The following SSBP2 variants were observed in gnomAD, a reference collection of about 807,000 sequenced individuals.
SSBP2 encodes the protein single-stranded DNA-binding protein 2.
SSBP2 carries 17 observed loss-of-function variants against 61.8 expected under a neutral mutation model. The ratio of observed to expected loss-of-function variants is 0.28; its 90% CI spans 0.19 to 0.41. SSBP2 has a LOEUF of 0.41. Ranked by LOEUF, SSBP2 falls within the 10% of genes least tolerant of loss-of-function variation. SSBP2 has a pLI of 1.00. For synonymous variants in SSBP2, 139 were observed against 141.3 expected, an observed-to-expected ratio of 0.98 and a Z score of 0.12; for missense variants, 310 against 458.7, an observed-to-expected ratio of 0.68 and a Z score of 2.96.
chr5:81,524,553 G>A lies in SSBP2; in HGVS notation c.283-10836C>T, dbSNP rs919747475. On this transcript the variant is annotated intron_variant, in intron 4 of 16. Coordinates refer to ENST00000320672, the MANE Select transcript of SSBP2 (RefSeq NM_012446.5). ...TTCATTTTGGATAATAGTTTTTCATGAGGTATCTAGAAACTAGTAAACTAC... is the reference window on the plus strand; with the variant it reads ...TTCATTTTGGATAATAGTTTTTCATAAGGTATCTAGAAACTAGTAAACTAC... Among the ~76,000 whole-genome samples the A allele has an allele frequency of 1.2e-4, 19 of 152,120 alleles. No individual in the cohort carries two copies. In the East Asian group the frequency reaches 3.3e-3, roughly 26 times the overall value.
intron 3 of SSBP2, among the ~76,000 whole-genome samples, chr5:81,621,978 G>A (rs1408989006): frequency 9.0e-6 from 1 of 110,810 alleles, no homozygotes; most frequent in African/African-American, 3.4e-5. Flanking sequence ...AGGGGGGAGG[G>A]ATAGCATTGG....
chr5:81,635,579 AAT>A (rs1491214353), intron 3 of SSBP2, among the ~76,000 whole-genome samples: 93 of 143,026 alleles, frequency 6.5e-4, no homozygotes, highest in African/African-American at 2.4e-3. Flanking sequence ...TGTAGAAAGC[AAT>A]TTTTTTTTTT....
At chr5:81,429,911 T>A (rs765868650) in intron 15 of SSBP2, among the ~76,000 whole-genome samples, 1 of 152,170 alleles carries the variant, frequency 6.6e-6, no homozygotes, top group South Asian at 2.1e-4. Flanking sequence ...CTGAAGTCCA[T>A]TGGAGCTCTC....
intron 8 of SSBP2, among the ~76,000 whole-genome samples, chr5:81,469,948 A>G (rs746060316): frequency 2.8e-4 from 43 of 151,892 alleles, no homozygotes; most frequent in Non-Finnish European, 4.3e-4. Flanking sequence ...CTCTGCTTGG[A>G]AAGTTTATAA....
At chr5:81,507,383 A>C (rs1007464413) in intron 5 of SSBP2, among the ~76,000 whole-genome samples, 1 of 152,158 alleles carries the variant, frequency 6.6e-6, no homozygotes, top group African/African-American at 2.4e-5. Context: ...CCCAACATCA[A>C]CATATTATCA....
intron 2 of SSBP2, among the ~76,000 whole-genome samples, chr5:81,648,891 A>T (rs1749495748): frequency 6.6e-6 from 1 of 152,048 alleles, no homozygotes; most frequent in African/African-American, 2.4e-5. Flanking sequence ...TAGGCAAAAT[A>T]TTATCACTTC....
At chr5:81,453,080 A>G (rs1319468988) in intron 10 of SSBP2, among the ~76,000 whole-genome samples, 1 of 152,166 alleles carries the variant, frequency 6.6e-6, no homozygotes, top group Non-Finnish European at 1.5e-5. Context: ...GGACTGCTTG[A>G]GCCCAGGAGT....
At chr5:81,751,482 C>T (rs1427392212), upstream of SSBP2, among the ~76,000 whole-genome samples, 3 of 152,170 alleles carry the variant, frequency 2.0e-5, no homozygotes, top group African/African-American at 7.2e-5. Flanking sequence ...GGAGAGAAGG[C>T]GCCGGGAGGA....
chr5:81,662,435 C>G (rs1384088435), intron 1 of SSBP2, among the ~76,000 whole-genome samples: 2 of 152,088 alleles, frequency 1.3e-5, no homozygotes, highest in Non-Finnish European at 2.9e-5. Flanking sequence ...CCACTGCACT[C>G]CAGCTTGGGC....
intron 3 of SSBP2, among the ~76,000 whole-genome samples, chr5:81,636,229 C>T (rs185710452): frequency 2.0e-5 from 3 of 152,304 alleles, no homozygotes; most frequent in Non-Finnish European, 4.4e-5. Context: ...TCTTGTACTT[C>T]TAGCCTCTAG....
intron 1 of SSBP2, among the ~76,000 whole-genome samples, chr5:81,667,736 T>A (rs752819780): frequency 1.3e-5 from 2 of 152,174 alleles, no homozygotes; most frequent in Non-Finnish European, 2.9e-5. Flanking sequence ...AAAATTGTAT[T>A]GAATTGTTAC....
At chr5:81,582,256 G>T (rs1424750435) in intron 4 of SSBP2, among the ~76,000 whole-genome samples, 2 of 151,984 alleles carry the variant, frequency 1.3e-5, no homozygotes, top group Non-Finnish European at 2.9e-5. Flanking sequence ...TATTTAACAA[G>T]ACTATGTTTT....
intron 14 of SSBP2, among the ~76,000 whole-genome samples, chr5:81,438,844 G>A (rs965503397): frequency 6.6e-6 from 1 of 152,148 alleles, no homozygotes. Flanking sequence ...ATAGAATTTT[G>A]TGCAATGATG....
At chr5:81,531,994 T>C (rs1026730950) in intron 4 of SSBP2, among the ~76,000 whole-genome samples, 8 of 152,068 alleles carry the variant, frequency 5.3e-5, no homozygotes, top group African/African-American at 1.2e-4. Context: ...TCAAGAGATA[T>C]GAAGTTATCA....
chr5:81,725,149 TAAG>T (rs1314630069), intron 1 of SSBP2, among the ~76,000 whole-genome samples: 1 of 152,074 alleles, frequency 6.6e-6, no homozygotes, highest in Non-Finnish European at 1.5e-5. Flanking sequence ...ACATGACATT[TAAG>T]AAGAGATCTG....
intron 4 of SSBP2, among the ~76,000 whole-genome samples, chr5:81,514,791 A>G (rs1436147743): frequency 1.3e-5 from 2 of 152,042 alleles, no homozygotes; most frequent in African/African-American, 4.8e-5. Context: ...AAAAAACTAA[A>G]TATGTTTATT....
Position 81,712,458 on chromosome 5 carries a change from G to A in SSBP2, c.62+38523C>T, listed in dbSNP as rs1292716634. Among the ~76,000 whole-genome samples the A allele has an allele frequency of 8.3e-4, 10 of 12,070 alleles. 4 individuals are homozygous for A. Among genetic ancestry groups the A allele is most frequent in the African/African-American group, 1.8e-3 (4 of 2,272 alleles). 7.9% of individuals were successfully genotyped at this position (12,070 alleles called of 152,430 possible). ...CTACTAAAAATACAAAAAATTAGCC[G>A]GGCGCGGTGGCGGGCGCCTGTAGTC... On this transcript the variant is annotated intron_variant, in intron 1 of 16. Transcript: ENST00000320672.
chr5:81,472,761 G>T (rs1765333140), intron 8 of SSBP2, among the ~76,000 whole-genome samples: 1 of 151,962 alleles, frequency 6.6e-6, no homozygotes, highest in South Asian at 2.1e-4. Flanking sequence ...CACCTCGCCT[G>T]GCTTACTTTT....
intron 4 of SSBP2, 30 bp from the exon 5 acceptor site, chr5:81,513,747 T>A (rs757094244): frequency 6.7e-7 from 1 of 1,484,706 alleles, no homozygotes; most frequent in Non-Finnish European, 9.4e-7. Flanking sequence ...AACAAACCTA[T>A]ATCATTACAG....
Sources: gnomAD v4.1 joint callset for allele counts (sites outside exome capture counted in the v4.1 genomes callset) on GRCh38, gnomAD v4.1.1 for gene constraint, MANE v1.5 for transcripts, NCBI Gene and HGNC (gene_info 2026-07-23, HGNC 2026-07-21) for gene names.